Variants in MKLN1 observed in about 807,000 individuals in gnomAD.
MKLN1 encodes muskelin 1, also known as muskelin.
In MKLN1, 18 loss-of-function variants were observed where a neutral mutation model predicts 99.0. That is an observed-to-expected ratio of 0.18 (90% CI 0.13 to 0.27). The LOEUF (loss-of-function observed/expected upper bound fraction) is 0.27, where lower values mean the gene tolerates loss of function less well. Ranked by LOEUF, MKLN1 falls within the 10% of genes least tolerant of loss-of-function variation. MKLN1 has a pLI of 1.00. For missense variants in MKLN1, 621 were observed against 875.9 expected (o/e 0.71, Z 3.67); for synonymous variants, 288 against 293.2 (o/e 0.98, Z 0.18).
In MKLN1 at chr7:131,259,468, T is replaced by C. The variant is rs562381983; in HGVS notation, c.-179+56494T>C. 1.2e-3 allele frequency among the ~76,000 whole-genome samples: 188 copies of C among 152,324 alleles called. 2 individuals carry two copies. Among genetic ancestry groups the C allele is most frequent in the African/African-American group, 3.8e-3 (160 of 41,568 alleles). ...TTTCTGAGGTAAAGTAGTATGTGTA[T>C]ACATATCTATCTATCTGTAGATATG... On this transcript the variant is annotated intron_variant, in intron 3 of 7. Coordinates refer to the MKLN1 transcript ENST00000416992.
intron 3 of MKLN1, among the ~76,000 whole-genome samples, chr7:131,233,405 T>TAAATAAATAAATAAAA (rs1353555363): frequency 6.9e-5 from 10 of 144,916 alleles, no homozygotes; most frequent in Admixed American, 1.4e-4. Flanking sequence ...AATAAATAAA[T>TAAATAAATAAATAAAA]AAAAATAAAG....
intron 1 of MKLN1, among the ~76,000 whole-genome samples, chr7:131,131,199 A>AAATAAAT (rs959210418): frequency 8.1e-5 from 12 of 148,794 alleles, no homozygotes; most frequent in Admixed American, 6.1e-4. Context: ...CTACTTAAAT[A>AAATAAAT]AATAAATAAA....
chr7:131,214,405 A>C (rs1197404967), intron 3 of MKLN1, among the ~76,000 whole-genome samples: 1 of 152,188 alleles, frequency 6.6e-6, no homozygotes, highest in Non-Finnish European at 1.5e-5. Context: ...AGTACATGAG[A>C]AAAAGACTTG....
chr7:131,343,118 A>G (rs1032465963), intron 1 of MKLN1, among the ~76,000 whole-genome samples: 1 of 152,232 alleles, frequency 6.6e-6, no homozygotes, highest in African/African-American at 2.4e-5. Flanking sequence ...GGAGACTTTG[A>G]AAGAGGAAGA....
chr7:131,313,351 G>T (rs763294816), intron 3 of MKLN1, among the ~76,000 whole-genome samples: 2 of 152,040 alleles, frequency 1.3e-5, no homozygotes, highest in Non-Finnish European at 2.9e-5. Flanking sequence ...TGACTTCATA[G>T]CTTTAATTAA....
At chr7:131,350,910 G>A (rs1799701345) in intron 1 of MKLN1, among the ~76,000 whole-genome samples, 1 of 151,994 alleles carries the variant, frequency 6.6e-6, no homozygotes, top group Admixed American at 6.5e-5. Context: ...TTCTTTTATG[G>A]CCACAATGTC....
At chr7:131,263,176 C>T (rs1391858449) in intron 3 of MKLN1, among the ~76,000 whole-genome samples, 1 of 151,796 alleles carries the variant, frequency 6.6e-6, no homozygotes. Context: ...AGGCCAATAC[C>T]GATTACTGGG....
chr7:131,411,411 CT>C (rs1563334798), intron 7 of MKLN1, 28 bp downstream of exon 7: 13 of 1,421,404 alleles, frequency 9.1e-6, no homozygotes, highest in Non-Finnish European at 1.3e-5. Context: ...GATTGTAGTT[CT>C]TTTTCATTAA....
intron 10 of MKLN1, among the ~76,000 whole-genome samples, chr7:131,441,026 G>A (rs1795824441): frequency 6.6e-6 from 1 of 152,200 alleles, no homozygotes; most frequent in South Asian, 2.1e-4. Flanking sequence ...AGATAATAGA[G>A]CAACATCTAG....
At chr7:131,221,498 G>A (rs566760360) in intron 3 of MKLN1, among the ~76,000 whole-genome samples, 10 of 132,218 alleles carry the variant, frequency 7.6e-5, no homozygotes, top group African/African-American at 2.2e-4. Flanking sequence ...ATTTGATCAT[G>A]CCACTTTTTT....
chr7:131,133,932 C>A (rs1027783782), intron 1 of MKLN1, among the ~76,000 whole-genome samples: 6 of 142,888 alleles, frequency 4.2e-5, no homozygotes, highest in Non-Finnish European at 1.5e-5. Flanking sequence ...CAGGTTCAAG[C>A]GATTCTCCTG....
chr7:131,189,812 T>C (rs1796508138), intron 2 of MKLN1, among the ~76,000 whole-genome samples: 1 of 152,114 alleles, frequency 6.6e-6, no homozygotes, highest in Admixed American at 6.6e-5. Flanking sequence ...AACTTAGATA[T>C]AATAAAAAGG....
At chr7:131,150,318 C>T (rs145924211) in intron 2 of MKLN1, among the ~76,000 whole-genome samples, 39 of 152,208 alleles carry the variant, frequency 2.6e-4, no homozygotes, top group African/African-American at 9.1e-4. Context: ...AAAACCCTGT[C>T]TCTACAAAAA....
intron 2 of MKLN1, among the ~76,000 whole-genome samples, chr7:131,146,885 A>T (rs574809760): frequency 6.6e-6 from 1 of 152,328 alleles, no homozygotes; most frequent in South Asian, 2.1e-4. Context: ...ATGTGCTGTC[A>T]GTGGGGGAGA....
chr7:131,225,884 G>A (rs566510368), intron 3 of MKLN1, among the ~76,000 whole-genome samples: 39 of 152,198 alleles, frequency 2.6e-4, no homozygotes, highest in Non-Finnish European at 5.0e-4. Flanking sequence ...CCCAAGAAGG[G>A]AAAAAAGGTA....
chr7:131,340,490 G>A (rs929539590), intron 1 of MKLN1, among the ~76,000 whole-genome samples: 2 of 151,968 alleles, frequency 1.3e-5, no homozygotes, highest in African/African-American at 4.8e-5. Context: ...TGTTGGCCAG[G>A]CTGGTCTCAA....
intron 2 of MKLN1, among the ~76,000 whole-genome samples, chr7:131,201,709 A>C (rs1382602626): frequency 1.3e-5 from 2 of 152,228 alleles, no homozygotes; most frequent in African/African-American, 4.8e-5. Flanking sequence ...AACACTAATC[A>C]TTTTGGCTAC....
At chr7:131,295,450 A>G (rs187126490) in intron 3 of MKLN1, among the ~76,000 whole-genome samples, 125 of 152,370 alleles carry the variant, frequency 8.2e-4, no homozygotes, top group Non-Finnish European at 1.5e-3. Context: ...AATAGAGCCA[A>G]AGACAAATGA....
At chr7:131,375,092 C>T (rs1294666954) in intron 1 of MKLN1, among the ~76,000 whole-genome samples, 1 of 151,826 alleles carries the variant, frequency 6.6e-6, no homozygotes, top group East Asian at 1.9e-4. Context: ...TGCCACTGCA[C>T]CCAGCTATTT....
Sources: allele counts gnomAD v4.1 joint callset (sites outside exome capture counted in the v4.1 genomes callset), GRCh38; gene constraint gnomAD v4.1.1; transcripts MANE v1.5; gene names NCBI Gene and HGNC (gene_info 2026-07-23, HGNC 2026-07-21).